Variants in DACH2 observed in about 807,000 individuals in gnomAD.
The protein encoded by DACH2 is dachshund family transcription factor 2, also known as dachshund homolog 2.
A neutral mutation model predicts 35.8 loss-of-function variants in DACH2; 17 were observed. The observed-to-expected ratio is 0.48, with a 90% CI of 0.33 to 0.71. The LOEUF (loss-of-function observed/expected upper bound fraction) is 0.71, where lower values mean the gene tolerates loss of function less well. Ranked by LOEUF, DACH2 falls within the 30% of genes least tolerant of loss-of-function variation. DACH2 has a pLI of 0.02. For synonymous variants in DACH2, 195 were observed against 177.3 expected, an observed-to-expected ratio of 1.10 and a Z score of -0.79; for missense variants, 469 against 472.7, an observed-to-expected ratio of 0.99 and a Z score of 0.07.
rs1183300580 is a variant in DACH2, at chrX:86,292,979, C to T, written c.489-83845C>T. 3.0e-5 allele frequency among the ~76,000 whole-genome samples: 3 copies of T among 100,379 alleles called. No homozygotes were observed. The Admixed American group carries it at 3.4e-4, about 11-fold the overall frequency. The allele number at this position is 100,379 out of a possible 115,157, so 87.2% of individuals were successfully genotyped here. A position where few individuals can be genotyped will look rare whatever the true frequency, so the allele number is the denominator to read the frequency against. Reference sequence around the variant, plus strand: ...GAGCTGAGTTTAATTCCTGGGTATCCTTGTTGACTTTCTGTCTCGTTGATC... The same window carrying T: ...GAGCTGAGTTTAATTCCTGGGTATCTTTGTTGACTTTCTGTCTCGTTGATC... On this transcript the variant is annotated intron_variant, in intron 1 of 11. Transcript: ENST00000373125.
At chrX:86,306,218 G>A (rs1319677508) in intron 1 of DACH2, among the ~76,000 whole-genome samples, 8 of 111,996 alleles carry the variant, frequency 7.1e-5, no homozygotes, top group Admixed American at 5.7e-4. Flanking sequence ...AAGATGAATA[G>A]CTAAAGAAAA....
At chrX:86,546,396 T>TTCC in intron 3 of DACH2, among the ~76,000 whole-genome samples, 6 of 70,504 alleles carry the variant, frequency 8.5e-5, no homozygotes, top group African/African-American at 3.4e-4. Context: ...CTTCTTCTTC[T>TTCC]TCTTCTTCCT....
rs189506499 is a variant in DACH2, at chrX:86,642,152, G to T, written c.641-8884G>T. On this transcript the variant is annotated intron_variant, in intron 3 of 11. Coordinates refer to ENST00000373125, the MANE Select transcript of DACH2 (RefSeq NM_053281.3). ...ATGGGCTAAATGCCCCACTTAAAAG[G>T]TACATAGTGGTAAGCTGGATAAAAA... Among the ~76,000 whole-genome samples the T allele has an allele frequency of 1.8e-4, 20 of 111,120 alleles. No individual in the cohort carries two copies. The East Asian group carries it at 5.1e-3, about 28-fold the overall frequency.
intron 2 of DACH2, chrX:86,481,762 A>T (rs1376165485): frequency 8.9e-6 from 1 of 112,195 alleles, no homozygotes; most frequent in Non-Finnish European, 1.9e-5. Flanking sequence ...CATATCATGT[A>T]CATTCCTAAC....
chrX:86,553,855 A>G (rs9988248), intron 3 of DACH2, among the ~76,000 whole-genome samples: 32,227 of 110,891 alleles, frequency 0.29, 6,741 homozygotes, highest in African/African-American at 0.75. Flanking sequence ...CTTCTTAACC[A>G]TATTTGCCAA....
Position 86,693,894 on chromosome X carries a change from T to A in DACH2, c.773-1127T>A, listed in dbSNP as rs185708663. Among the ~76,000 whole-genome samples the A allele has an allele frequency of 4.7e-3, 525 of 111,679 alleles. 6 individuals carry two copies. Among genetic ancestry groups the A allele is most frequent in the African/African-American group, 0.016 (499 of 30,735 alleles). ...TGACAGACTGCTTATAATGTAAAAA[T>A]GGGTATCCATATGAACAAAGTGTGG... On this transcript the variant is annotated intron_variant, in intron 4 of 11. Transcript: ENST00000373125.
intron 1 of DACH2, among the ~76,000 whole-genome samples, chrX:86,327,488 G>T (rs2035136972): frequency 9.0e-6 from 1 of 111,654 alleles, no homozygotes; most frequent in Non-Finnish European, 1.9e-5. Context: ...CAATGTTTTT[G>T]AATAAGGGAC....
chrX:86,417,002 G>A (rs2036714987), intron 2 of DACH2, among the ~76,000 whole-genome samples: 2 of 98,299 alleles, frequency 2.0e-5, no homozygotes, highest in African/African-American at 3.9e-5. Flanking sequence ...TCTGAAGCAG[G>A]AGAATCCCTT....
chrX:86,699,463 G>A (rs1044524209), intron 5 of DACH2, among the ~76,000 whole-genome samples: 2 of 111,559 alleles, frequency 1.8e-5, no homozygotes, highest in African/African-American at 3.3e-5. Flanking sequence ...GAGAGAGAAT[G>A]AGAACCAAGT....
chrX:86,719,078 T>C (rs2041370735), intron 6 of DACH2, among the ~76,000 whole-genome samples: 1 of 112,397 alleles, frequency 8.9e-6, no homozygotes, highest in East Asian at 2.8e-4. Context: ...GTCATTTTAA[T>C]AATGTTAGTT....
intron 7 of DACH2, among the ~76,000 whole-genome samples, chrX:86,772,454 A>T (rs1388574680): frequency 9.0e-6 from 1 of 111,490 alleles, no homozygotes; most frequent in Non-Finnish European, 1.9e-5. Context: ...CAAAGTACTC[A>T]TTCATCTTCA....
At chrX:86,297,043 GTATATATA>G (rs35078642) in intron 1 of DACH2, among the ~76,000 whole-genome samples, 1,388 of 89,919 alleles carry the variant, frequency 0.015, 17 homozygotes, top group African/African-American at 0.053. Context: ...ATATAATTGT[GTATATATA>G]TATATATATA....
At chrX:86,795,768 T>C in intron 7 of DACH2, among the ~76,000 whole-genome samples, 1 of 110,757 alleles carries the variant, frequency 9.0e-6, no homozygotes, top group Middle Eastern at 4.7e-3. Context: ...TTCCTTCTGG[T>C]GGGTTCATGG....
chrX:86,291,721 T>A (rs1176262701), intron 1 of DACH2, among the ~76,000 whole-genome samples: 1 of 95,244 alleles, frequency 1.0e-5, no homozygotes, highest in African/African-American at 4.1e-5. Context: ...ATATGCTGGA[T>A]TACATTTATT....
chrX:86,246,391 G>GAA (rs35368406), intron 1 of DACH2, among the ~76,000 whole-genome samples: 1 of 109,455 alleles, frequency 9.1e-6, no homozygotes, highest in African/African-American at 3.3e-5. Context: ...CAACAGGAAA[G>GAA]AAAAAACATT....
chrX:86,338,524 A>G (rs759327786), intron 1 of DACH2, among the ~76,000 whole-genome samples: 4 of 112,258 alleles, frequency 3.6e-5, no homozygotes, highest in African/African-American at 1.3e-4. Context: ...ACCAATGAGA[A>G]CAAAGACACA....
At chrX:86,458,155 A>T (rs2037507956) in intron 2 of DACH2, among the ~76,000 whole-genome samples, 1 of 111,762 alleles carries the variant, frequency 8.9e-6, no homozygotes, top group Non-Finnish European at 1.9e-5. Context: ...CTGAGTCTAA[A>T]CTTGGAATTG....
chrX:86,744,714 G>A (rs972822104), intron 7 of DACH2, among the ~76,000 whole-genome samples: 1 of 111,363 alleles, frequency 9.0e-6, no homozygotes, highest in African/African-American at 3.3e-5. Context: ...TTTTGACTAT[G>A]CCTAATATTG....
At chrX:86,818,786 G>T (rs2042477865) in intron 11 of DACH2, among the ~76,000 whole-genome samples, 1 of 109,898 alleles carries the variant, frequency 9.1e-6, no homozygotes, top group African/African-American at 3.3e-5. Context: ...CTCCTAGATA[G>T]AAATCTATCA....
Sources: gnomAD v4.1 joint callset for allele counts (sites outside exome capture counted in the v4.1 genomes callset) on GRCh38, gnomAD v4.1.1 for gene constraint, MANE v1.5 for transcripts, NCBI Gene and HGNC (gene_info 2026-07-23, HGNC 2026-07-21) for gene names.